ARHGAP6: variants seen among roughly 807,000 people sequenced by gnomAD.
The protein encoded by ARHGAP6 is rho GTPase-activating protein 6.
ARHGAP6 carries 16 observed loss-of-function variants against 55.7 expected under a neutral mutation model. The ratio of observed to expected loss-of-function variants is 0.29; its 90% confidence interval spans 0.19 to 0.44. ARHGAP6 has a LOEUF of 0.44. Ranked by LOEUF, ARHGAP6 falls within the 20% of genes least tolerant of loss-of-function variation. The probability of loss-of-function intolerance (pLI) is 1.00; values close to 1 mark genes in which losing one functional copy is unlikely to be tolerated. For synonymous variants in ARHGAP6, 382 were observed against 360.9 expected, an observed-to-expected ratio of 1.06 and a Z score of -0.66; for missense variants, 698 against 808.9, an observed-to-expected ratio of 0.86 and a Z score of 1.66.
intron 1 of ARHGAP6, among the ~76,000 whole-genome samples, chrX:11,421,674 A>C (rs1372158788): frequency 9.0e-6 from 1 of 111,686 alleles, no homozygotes; most frequent in Non-Finnish European, 1.9e-5. Flanking sequence ...GCACTTTCTG[A>C]ATCTACTTTG....
chrX:11,174,570 C>CTGCCT (rs2046150428), intron 8 of ARHGAP6, among the ~76,000 whole-genome samples: 1 of 65,434 alleles, frequency 1.5e-5, no homozygotes, highest in Non-Finnish European at 2.8e-5. Flanking sequence ...TCCTTCCTTC[C>CTGCCT]TTCCTTTCTT....
chrX:11,340,721 T>C (rs2048695197), intron 1 of ARHGAP6, among the ~76,000 whole-genome samples: 1 of 106,073 alleles, frequency 9.4e-6, no homozygotes, highest in African/African-American at 3.6e-5. Context: ...AGAGTGAGAC[T>C]CCGTCTAAAA....
At chrX:11,455,841 C>T (rs959280807) in intron 1 of ARHGAP6, among the ~76,000 whole-genome samples, 3 of 111,992 alleles carry the variant, frequency 2.7e-5, no homozygotes, top group Admixed American at 1.9e-4. Context: ...TCTATTTTCT[C>T]ACTTCTATAA....
At chrX:11,505,047 G>T (rs73486529) in intron 1 of ARHGAP6, among the ~76,000 whole-genome samples, 1 of 111,025 alleles carries the variant, frequency 9.0e-6, no homozygotes, top group Admixed American at 9.6e-5. Context: ...AATTTTCCCC[G>T]TAAAGACCAA....
chrX:11,541,168 T>C (rs2051154359), intron 1 of ARHGAP6, among the ~76,000 whole-genome samples: 1 of 111,840 alleles, frequency 8.9e-6, no homozygotes, highest in African/African-American at 3.3e-5. Context: ...TAGGGCCACA[T>C]GGGGAAGCAC....
chrX:11,574,341 A>C (rs2051569604), intron 1 of ARHGAP6, among the ~76,000 whole-genome samples: 1 of 110,487 alleles, frequency 9.1e-6, no homozygotes, highest in Non-Finnish European at 1.9e-5. Flanking sequence ...ATACTGGCAA[A>C]CCAAATCCAG....
At chrX:11,577,911 C>T (rs1036421527) in intron 1 of ARHGAP6, among the ~76,000 whole-genome samples, 2 of 111,287 alleles carry the variant, frequency 1.8e-5, no homozygotes, top group Non-Finnish European at 3.8e-5. Context: ...TTCTGGTCCC[C>T]AGCCTATGAC....
chrX:11,237,511 C>A (rs190588789), intron 2 of ARHGAP6, among the ~76,000 whole-genome samples: 1 of 112,065 alleles, frequency 8.9e-6, no homozygotes, highest in Non-Finnish European at 1.9e-5. Flanking sequence ...CATAGGCACC[C>A]AACCCTGGGC....
intron 1 of ARHGAP6, among the ~76,000 whole-genome samples, chrX:11,396,854 C>T (rs773848387): frequency 5.4e-5 from 6 of 111,057 alleles, no homozygotes; most frequent in Non-Finnish European, 7.6e-5. Flanking sequence ...CTAGTATGAG[C>T]GCATAGAATA....
At chrX:11,286,630 C>T (rs1479023149) in intron 1 of ARHGAP6, among the ~76,000 whole-genome samples, 2 of 111,465 alleles carry the variant, frequency 1.8e-5, no homozygotes, top group African/African-American at 3.3e-5. Context: ...CAAACATATG[C>T]GATGTCCGGA....
intron 1 of ARHGAP6, among the ~76,000 whole-genome samples, chrX:11,482,744 G>C (rs960334746): frequency 1.8e-5 from 2 of 109,192 alleles, no homozygotes; most frequent in East Asian, 5.7e-4. Context: ...CTCCTGGTTA[G>C]AGAACTACCC....
chrX:11,376,410 G>C (rs2049201239), intron 1 of ARHGAP6, among the ~76,000 whole-genome samples: 1 of 112,710 alleles, frequency 8.9e-6, no homozygotes, highest in African/African-American at 3.2e-5. Flanking sequence ...AAGCACAAAG[G>C]CACAGGGAGA....
chrX:11,254,909 T>A (rs960148386), intron 1 of ARHGAP6, among the ~76,000 whole-genome samples: 1 of 110,976 alleles, frequency 9.0e-6, no homozygotes, highest in Non-Finnish European at 1.9e-5. Flanking sequence ...ATCTCAAGTA[T>A]CTGCTGGGTC....
chrX:11,154,353 G>T (rs2045834031), intron 10 of ARHGAP6, among the ~76,000 whole-genome samples: 1 of 111,976 alleles, frequency 8.9e-6, no homozygotes, highest in South Asian at 3.7e-4. Flanking sequence ...AACAGAAGGG[G>T]CTGGACAATT....
chrX:11,605,423 C>T (rs925745490), intron 1 of ARHGAP6, among the ~76,000 whole-genome samples: 3 of 111,163 alleles, frequency 2.7e-5, no homozygotes, highest in African/African-American at 9.8e-5. Flanking sequence ...GGTGAAGCTT[C>T]GCCAAGTGGC....
At chrX:11,308,700 A>G (rs1294205276) in intron 1 of ARHGAP6, among the ~76,000 whole-genome samples, 1 of 111,815 alleles carries the variant, frequency 8.9e-6, no homozygotes, top group African/African-American at 3.3e-5. Context: ...TGCCTGATTC[A>G]CTCTGAACTT....
intron 1 of ARHGAP6, among the ~76,000 whole-genome samples, chrX:11,379,389 C>T (rs966745670): frequency 5.4e-5 from 6 of 112,073 alleles, no homozygotes; most frequent in Non-Finnish European, 1.1e-4. Flanking sequence ...TCAATACATG[C>T]TACCACACTA....
At chrX:11,373,396 A>AG (rs997062249) in intron 1 of ARHGAP6, among the ~76,000 whole-genome samples, 10 of 110,839 alleles carry the variant, frequency 9.0e-5, no homozygotes, top group Admixed American at 4.8e-4. Context: ...TTAAAAAAAA[A>AG]AGAGAGAGAG....
intron 1 of ARHGAP6, among the ~76,000 whole-genome samples, chrX:11,515,524 C>T (rs2050829842): frequency 9.0e-6 from 1 of 111,568 alleles, no homozygotes; most frequent in Non-Finnish European, 1.9e-5. Context: ...AGCTTTCCCT[C>T]AATAATCTTG....
Sources: allele counts gnomAD v4.1 joint callset (sites outside exome capture counted in the v4.1 genomes callset), GRCh38; gene constraint gnomAD v4.1.1; transcripts MANE v1.5; gene names NCBI Gene and HGNC (gene_info 2026-07-23, HGNC 2026-07-21).